TRPC6: variants seen among roughly 807,000 people sequenced by gnomAD.
TRPC6 encodes short transient receptor potential channel 6.
Under a neutral mutation model 90.7 loss-of-function variants are expected in TRPC6, and 55 were observed. That is an observed-to-expected ratio of 0.61 (90% CI 0.49 to 0.76). The LOEUF (loss-of-function observed/expected upper bound fraction) is 0.76, where lower values mean the gene tolerates loss of function less well. Ranked by LOEUF, TRPC6 falls within the 30% of genes least tolerant of loss-of-function variation. TRPC6 has a pLI of 0.00. For missense variants in TRPC6, 989 were observed against 1,122.7 expected (o/e 0.88, Z 1.70); for synonymous variants, 393 against 393.0 (o/e 1.00, Z 0.00).
intron 1 of TRPC6, among the ~76,000 whole-genome samples, chr11:101,558,507 C>T (rs1164437891): frequency 1.9e-5 from 2 of 105,480 alleles, no homozygotes; most frequent in Non-Finnish European, 3.8e-5. Flanking sequence ...ATATACTAAT[C>T]AGTGAAACAG....
chr11:101,484,404 G>A (rs933628618), intron 4 of TRPC6, among the ~76,000 whole-genome samples: 18 of 151,976 alleles, frequency 1.2e-4, no homozygotes, highest in South Asian at 2.1e-4. Context: ...TTTAAGACTC[G>A]GAAAAGATAA....
intron 12 of TRPC6, 83 bp from the exon 13 acceptor site, chr11:101,453,189 C>T: frequency 7.6e-7 from 1 of 1,311,156 alleles, no homozygotes; most frequent in Non-Finnish European, 1.1e-6. Context: ...AGGAAATCAG[C>T]TCTAATTTCA....
At chr11:101,569,281 A>G (rs181213399) in intron 1 of TRPC6, among the ~76,000 whole-genome samples, 4 of 152,186 alleles carry the variant, frequency 2.6e-5, no homozygotes, top group Non-Finnish European at 5.9e-5. Context: ...AGGCCATTAC[A>G]TGATGATAAA....
rs1591123125 is a variant in TRPC6 at position 101,542,130 on chromosome 11, A to G, written c.171-37332T>C. 2.6e-5 allele frequency among the ~76,000 whole-genome samples: 4 copies of G among 152,244 alleles called. No homozygotes were observed. The South Asian group carries it at 6.2e-4, about 24-fold the overall frequency. ...TGAAATTAGAGCCATAATTGTACTT[A>G]ATGTATTTATTGTGTCTTGATCTAT... On this transcript the variant is annotated intron_variant, in intron 1 of 12. Coordinates refer to ENST00000344327, the MANE Select transcript of TRPC6 (RefSeq NM_004621.6).
At chr11:101,573,921 C>CGTGTGTGTGTGT (rs58766729) in intron 1 of TRPC6, among the ~76,000 whole-genome samples, 3,176 of 131,926 alleles carry the variant, frequency 0.024, 97 homozygotes, top group Non-Finnish European at 0.027. Context: ...GAAACAAATA[C>CGTGTGTGTGTGT]GTGTGTGTGT....
intron 1 of TRPC6, among the ~76,000 whole-genome samples, chr11:101,548,595 A>C (rs1861378704): frequency 7.3e-6 from 1 of 136,618 alleles, no homozygotes; most frequent in Non-Finnish European, 1.6e-5. Context: ...TCTATTTTTT[A>C]ATTGACACCA....
At position 101,491,836 on chromosome 11, in the gene TRPC6, C is replaced by CTTTTTTTTTTTTTTTTTTT. The variant is rs71056611; in HGVS notation, c.946-117_946-99dup. On this transcript the variant is annotated intron_variant, in intron 2 of 12. Transcript: ENST00000344327. ...GATTTTATACTTTAAGAGAAACATT[C>CTTTTTTTTTTTTTTTTTTT]TTTTTTTTTTTTTTTTTTTTTTGAG... is the stretch of plus-strand genomic sequence containing the variant. 24 of 382,418 alleles carry CTTTTTTTTTTTTTTTTTTT rather than the reference C, an allele frequency of 6.3e-5. No individual in the cohort carries two copies. In the African/African-American group the frequency reaches 8.3e-4, roughly 13 times the overall value. 23.7% of individuals were successfully genotyped at this position (382,418 alleles called of 1,614,324 possible).
intron 1 of TRPC6, among the ~76,000 whole-genome samples, chr11:101,580,000 A>C (rs184945082): frequency 6.6e-6 from 1 of 152,266 alleles, no homozygotes; most frequent in Non-Finnish European, 1.5e-5. Context: ...TATTTTTCAC[A>C]AAATTGGGAG....
rs201554489 is a variant in TRPC6, at chr11:101,452,628, C to T, written c.*327G>A. The T allele has an allele frequency of 7.0e-6, 2 of 285,822 alleles. No homozygotes were observed. Among genetic ancestry groups the T allele is most frequent in the Non-Finnish European group, 1.3e-5 (2 of 149,370 alleles). 17.7% of individuals were successfully genotyped at this position (285,822 alleles called of 1,614,324 possible). A position where few individuals can be genotyped will look rare whatever the true frequency, so the allele number is the denominator to read the frequency against. ...CCGCATGGGGAGTAACGTGGGTCAGCCCCTGTCCGCTGGGACCCATTTTCA... is the reference window on the plus strand; with the variant it reads ...CCGCATGGGGAGTAACGTGGGTCAGTCCCTGTCCGCTGGGACCCATTTTCA... On this transcript the variant is annotated 3_prime_UTR_variant, in exon 13 of 13. Transcript: ENST00000344327.
chr11:101,532,924 C>T (rs185482407), intron 1 of TRPC6, among the ~76,000 whole-genome samples: 21 of 152,242 alleles, frequency 1.4e-4, no homozygotes, highest in Non-Finnish European at 7.4e-5. Flanking sequence ...GGATTCATTG[C>T]CAAGCCAGCA....
At chr11:101,538,547 T>C (rs1163085189) in intron 1 of TRPC6, among the ~76,000 whole-genome samples, 1 of 152,302 alleles carries the variant, frequency 6.6e-6, no homozygotes, top group South Asian at 2.1e-4. Context: ...TTACGTTACA[T>C]GGCAAAAGGG....
Position 101,546,050 on chromosome 11 carries a change from C to CTTTT in TRPC6, c.170+37280_170+37283dup, listed in dbSNP as rs1166182552. Among the ~76,000 whole-genome samples, 36 of 29,726 alleles carry CTTTT rather than the reference C, an allele frequency of 1.2e-3. 12 individuals are homozygous for CTTTT. Among genetic ancestry groups the CTTTT allele is most frequent in the African/African-American group, 2.1e-3 (16 of 7,732 alleles). 19.5% of individuals were successfully genotyped at this position (29,726 alleles called of 152,430 possible). ...TGGATCTAGTATCACATTTATAACT[C>CTTTT]TTTTTTTTTTTTTTTTTTTTTTTTT... On this transcript the variant is annotated intron_variant, in intron 1 of 12. Coordinates refer to ENST00000344327, the MANE Select transcript of TRPC6 (RefSeq NM_004621.6).
chr11:101,555,012 C>T (rs2136849977), intron 1 of TRPC6, among the ~76,000 whole-genome samples: 1 of 152,242 alleles, frequency 6.6e-6, no homozygotes, highest in East Asian at 1.9e-4. Flanking sequence ...AGTGTTTGCT[C>T]TTTCTTCTTA....
chr11:101,531,309 G>A (rs778918235), intron 1 of TRPC6, among the ~76,000 whole-genome samples: 1 of 152,210 alleles, frequency 6.6e-6, no homozygotes, highest in Admixed American at 6.5e-5. Context: ...CACTTTACAA[G>A]TGGGAAGACT....
chr11:101,530,591 T>C (rs1006792892), intron 1 of TRPC6, among the ~76,000 whole-genome samples: 1 of 152,290 alleles, frequency 6.6e-6, no homozygotes, highest in African/African-American at 2.4e-5. Flanking sequence ...AAGCCACACC[T>C]GTCTACAGAC....
At chr11:101,515,595 T>A (rs1860498187) in intron 1 of TRPC6, among the ~76,000 whole-genome samples, 1 of 113,788 alleles carries the variant, frequency 8.8e-6, no homozygotes, top group South Asian at 2.6e-4. Flanking sequence ...CACCCTAGTT[T>A]GTCACAGTTT....
At chr11:101,568,163 A>T (rs1302806108) in intron 1 of TRPC6, among the ~76,000 whole-genome samples, 1 of 152,204 alleles carries the variant, frequency 6.6e-6, no homozygotes, top group Admixed American at 6.5e-5. Flanking sequence ...ACCAGTTTAG[A>T]GAAGAACATA....
intron 10 of TRPC6, among the ~76,000 whole-genome samples, chr11:101,462,240 G>A (rs981842891): frequency 2.6e-5 from 4 of 152,148 alleles, no homozygotes; most frequent in African/African-American, 4.8e-5. Context: ...TTGAAGTCAG[G>A]AGCGTGATGC....
At chr11:101,536,902 T>C (rs971675999) in intron 1 of TRPC6, among the ~76,000 whole-genome samples, 2 of 152,172 alleles carry the variant, frequency 1.3e-5, no homozygotes, top group Non-Finnish European at 2.9e-5. Flanking sequence ...TAGGAGACTA[T>C]TGCGGTACTC....
Sources: gnomAD v4.1 joint callset for allele counts (sites outside exome capture counted in the v4.1 genomes callset) on GRCh38, gnomAD v4.1.1 for gene constraint, MANE v1.5 for transcripts, NCBI Gene and HGNC (gene_info 2026-07-23, HGNC 2026-07-21) for gene names.